The following SLC22A8 variants were observed in gnomAD, a reference collection of about 807,000 sequenced individuals.
SLC22A8 encodes the protein organic anion transporter 3.
A neutral mutation model predicts 48.4 loss-of-function variants in SLC22A8; 40 were observed. That is an observed-to-expected ratio of 0.83 (90% confidence interval 0.64 to 1.08). The LOEUF is 1.08. SLC22A8 is among the 50% of genes least tolerant of loss of function. The probability of loss-of-function intolerance (pLI) is 0.00; values close to 1 mark genes in which losing one functional copy is unlikely to be tolerated. For missense variants in SLC22A8, 606 were observed against 699.0 expected, an observed-to-expected ratio of 0.87 and a Z score of 1.50; for synonymous variants, 268 against 286.3, an observed-to-expected ratio of 0.94 and a Z score of 0.65.
intron 2 of SLC22A8, among the ~76,000 whole-genome samples, chr11:63,006,389 C>A (rs1302743893): frequency 2.2e-4 from 34 of 152,070 alleles, no homozygotes. Flanking sequence ...GGTCGTCTGG[C>A]ACAAACAGGT....
At chr11:63,012,172 T>A (rs1179594610) in intron 2 of SLC22A8, among the ~76,000 whole-genome samples, 1 of 152,080 alleles carries the variant, frequency 6.6e-6, no homozygotes, top group Non-Finnish European at 1.5e-5. Context: ...ATGTTTTTAG[T>A]AGAGACAGGG....
At chr11:63,002,976 C>T (rs1261848218) in intron 2 of SLC22A8, among the ~76,000 whole-genome samples, 1 of 152,198 alleles carries the variant, frequency 6.6e-6, no homozygotes, top group African/African-American at 2.4e-5. Context: ...ACTTCGGCCT[C>T]ATCCCTTCCT....
intron 2 of SLC22A8, among the ~76,000 whole-genome samples, chr11:63,013,480 G>T (rs1317169865): frequency 6.6e-6 from 1 of 152,178 alleles, no homozygotes; most frequent in Non-Finnish European, 1.5e-5. Context: ...CCCTTGAGGG[G>T]TTCATGGTAC....
At chr11:63,003,817 A>G (rs963168508) in intron 2 of SLC22A8, among the ~76,000 whole-genome samples, 1 of 151,956 alleles carries the variant, frequency 6.6e-6, no homozygotes, top group Non-Finnish European at 1.5e-5. Context: ...AACTAGAACA[A>G]CTCTGGAGAG....
chr11:62,999,063 G>A lies in SLC22A8; in HGVS notation c.619C>T (p.Arg207Trp), dbSNP rs1446373664. 2 of 1,613,704 alleles carry A rather than the reference G, an allele frequency of 1.2e-6. No homozygotes were observed. Among genetic ancestry groups the A allele is most frequent in the Admixed American group, 1.7e-5 (1 of 60,028 alleles). The change falls in exon 5 of 11, where the codon CGG (arginine) becomes TGG (tryptophan). Residue 207 changes from arginine (R) to tryptophan (W), a missense_variant. Transcript: ENST00000336232. ...CCGAGTGCTGTCGACATGATGGCCC[G>A]CATCCGGGTAGGCACCCATTCCACA... ...LNVEWVPTRM[R>W]AIMSTALGYC...
intron 2 of SLC22A8, among the ~76,000 whole-genome samples, chr11:63,010,284 C>T (rs903267941): frequency 2.6e-5 from 4 of 152,184 alleles, no homozygotes; most frequent in African/African-American, 7.2e-5. Context: ...CTCTGGTTCA[C>T]GATCCCACAC....
chr11:62,993,876 A>G lies in SLC22A8; in HGVS notation c.1219T>C (p.Leu407=), dbSNP rs754166595. 7 of 1,599,380 alleles carry G rather than the reference A, an allele frequency of 4.4e-6. No individual in the cohort carries two copies. The East Asian group carries it at 1.1e-4, about 26-fold the overall frequency. ...GCCAATACTGTCCTCACGGTCTGCA[A>G]GTCTGCAGAGGGAAGAAAATGTGGT... is the stretch of plus-strand genomic sequence containing the variant. The part of the protein sequence containing the change: ...ILALTFVPLD[L]QTVRTVLAVF... Residue 407 remains leucine, a splice_region_variant and synonymous_variant, in exon 9 of 11, where the codon TTG becomes CTG. Coordinates refer to ENST00000336232, the MANE Select transcript of SLC22A8 (RefSeq NM_004254.4).
Position 62,993,439 on chromosome 11 carries a change from T to C in SLC22A8, c.1514A>G (p.Glu505Gly), listed in dbSNP as rs1356597893. ...TLNQPLPETIEDLENWSLRAK... is the reference protein window; with the variant it reads ...TLNQPLPETIGDLENWSLRAK... ...AGTGACTGACCAGTTTTCCAGGTCT[T>C]CGATAGTCTCTGGCAAGGGCTGATT... Residue 505 changes from glutamate (E) to glycine (G), a missense_variant, in exon 10 of 11, where the codon GAA becomes GGA. Transcript: ENST00000336232. 1 of 1,614,122 alleles carries C rather than the reference T, an allele frequency of 6.2e-7. No individual in the cohort carries two copies. Among genetic ancestry groups the C allele is most frequent in the Non-Finnish European group, 8.5e-7 (1 of 1,180,002 alleles).
chr11:63,015,221 G>A (rs909332483), intron 1 of SLC22A8, among the ~76,000 whole-genome samples: 8 of 152,224 alleles, frequency 5.3e-5, no homozygotes, highest in Admixed American at 5.2e-4. Flanking sequence ...GTGGAAGTGT[G>A]TGTCCAGGTG....
Position 62,995,875 on chromosome 11 carries a change from A to G in SLC22A8, c.886-56T>C, listed in dbSNP as rs955500325. On this transcript the variant is annotated intron_variant, in intron 6 of 10. Transcript: ENST00000336232. ...TAATGACCAGCTAGTGGGCAGGACG[A>G]AGAGAGGGAGATGCAGGCGTGGTGC... The G allele has an allele frequency of 2.6e-6, 4 of 1,520,690 alleles. No individual in the cohort carries two copies. The African/African-American group carries it at 5.5e-5, about 21-fold the overall frequency. 94.2% of individuals were successfully genotyped at this position (1,520,690 alleles called of 1,614,324 possible). A position where few individuals can be genotyped will look rare whatever the true frequency, so the allele number is the denominator to read the frequency against.
At chr11:63,000,182 T>A (rs2086475682) in intron 3 of SLC22A8, among the ~76,000 whole-genome samples, 1 of 152,048 alleles carries the variant, frequency 6.6e-6, no homozygotes, top group South Asian at 2.1e-4. Context: ...TTTTTTCCCC[T>A]GGAAGAAGGG....
chr11:63,006,473 A>G (rs1232574705), intron 2 of SLC22A8, among the ~76,000 whole-genome samples: 2 of 151,244 alleles, frequency 1.3e-5, no homozygotes, highest in Non-Finnish European at 2.9e-5. Context: ...GGTGCTCCTC[A>G]TTTCCCTTTC....
At chr11:62,996,921 G>C (rs2086427868) in intron 5 of SLC22A8, among the ~76,000 whole-genome samples, 1 of 152,260 alleles carries the variant, frequency 6.6e-6, no homozygotes, top group Non-Finnish European at 1.5e-5. Context: ...TGGGTGACCT[G>C]GATCCGGTGA....
chr11:63,014,242 C>T (rs1565303511), intron 2 of SLC22A8, among the ~76,000 whole-genome samples: 1 of 152,138 alleles, frequency 6.6e-6, no homozygotes, highest in Non-Finnish European at 1.5e-5. Flanking sequence ...CCCCAGAGGT[C>T]GGTCATAGTG....
intron 2 of SLC22A8, among the ~76,000 whole-genome samples, chr11:63,013,863 C>T (rs535956901): frequency 2.0e-5 from 3 of 152,296 alleles, no homozygotes; most frequent in East Asian, 3.9e-4. Flanking sequence ...TTCATCCTAT[C>T]ATAGGCTCCT....
chr11:62,993,425 A>C lies in SLC22A8; in HGVS notation c.1528T>G (p.Trp510Gly). 6.2e-7 allele frequency: 1 copy of C among 1,614,050 alleles called. No homozygotes were observed. The highest frequency in any genetic ancestry group is 8.5e-7 in the Non-Finnish European group (1 of 1,179,930). ...ATGGGGCCAGAGGCAGTGACTGACC[A>C]GTTTTCCAGGTCTTCGATAGTCTCT... ...LPETIEDLEN[W>G]SLRAKKPKQE... The change falls in exon 10 of 11, where the codon TGG becomes GGG. Residue 510 changes from tryptophan to glycine, a missense_variant and splice_region_variant. Coordinates refer to ENST00000336232, the MANE Select transcript of SLC22A8 (RefSeq NM_004254.4).
In SLC22A8 at chr11:63,014,815, G is replaced by C; in HGVS notation, c.144C>G (p.His48Gln). The C allele has an allele frequency of 1.2e-6, 2 of 1,612,982 alleles. No individual in the cohort carries two copies. The highest frequency in any genetic ancestry group is 1.7e-6 in the Non-Finnish European group (2 of 1,179,084). Residue 48 changes from histidine (H) to glutamine (Q), a missense_variant, in exon 2 of 11, where the codon CAC becomes CAG. Coordinates refer to ENST00000336232, the MANE Select transcript of SLC22A8 (RefSeq NM_004254.4). ...QIFTAATPVH[H>Q]CRPPHNASTG... Reference sequence around the variant, plus strand: ...TGGAGGCATTGTGGGGCGGGCGACAGTGGTGGACAGGGGTGGCGGCTGTGA... The same window carrying C: ...TGGAGGCATTGTGGGGCGGGCGACACTGGTGGACAGGGGTGGCGGCTGTGA...
chr11:62,997,414 C>T (rs544711201), intron 5 of SLC22A8, among the ~76,000 whole-genome samples: 9 of 152,026 alleles, frequency 5.9e-5, no homozygotes, highest in East Asian at 3.9e-4. Context: ...TTAGTAGAGA[C>T]GGGGTTTCAC....
In SLC22A8 at chr11:63,014,939, A is replaced by G; in HGVS notation, c.20T>C (p.Leu7Pro). The G allele has an allele frequency of 6.4e-7, 1 of 1,553,772 alleles. No individual in the cohort carries two copies. Among genetic ancestry groups the G allele is most frequent in the Non-Finnish European group, 8.7e-7 (1 of 1,144,684 alleles). Residue 7 changes from leucine (L) to proline (P), a missense_variant, in exon 2 of 11, where the codon CTG becomes CCG. By Grantham distance (98) the Leu-to-Pro change is moderately conservative. Coordinates refer to ENST00000336232, the MANE Select transcript of SLC22A8 (RefSeq NM_004254.4). MTFSEI[L>P]DRVGSMGHFQ... ...ATGGCCCATGCTTCCCACACGGTCC[A>G]GGATCTCCGAGAAGGTCATGGCACT...
Sources: allele counts gnomAD v4.1 joint callset (sites outside exome capture counted in the v4.1 genomes callset), GRCh38; gene constraint gnomAD v4.1.1; transcripts MANE v1.5; gene names NCBI Gene and HGNC (gene_info 2026-07-23, HGNC 2026-07-21).